The following ZNF578 variants were observed in gnomAD, a reference collection of about 807,000 sequenced individuals.
ZNF578 encodes zinc finger protein 578.
ZNF578 carries 8 observed loss-of-function variants against 8.3 expected under a neutral mutation model. The ratio of observed to expected loss-of-function variants is 0.96; its 90% CI spans 0.56 to 1.74. The LOEUF (loss-of-function observed/expected upper bound fraction) is 1.74, where lower values mean the gene tolerates loss of function less well. Among genes scored for constraint, ZNF578 ranks in the 40% most tolerant of loss-of-function variants. The probability of loss-of-function intolerance (pLI) is 0.00; values close to 1 mark genes in which losing one functional copy is unlikely to be tolerated. For synonymous variants in ZNF578, 206 were observed against 232.2 expected, an observed-to-expected ratio of 0.89 and a Z score of 1.03; for missense variants, 726 against 707.5, an observed-to-expected ratio of 1.03 and a Z score of -0.30.
At chr19:52,472,294 T>C (rs1323123526) in intron 2 of ZNF578, among the ~76,000 whole-genome samples, 1 of 152,244 alleles carries the variant, frequency 6.6e-6, no homozygotes, top group African/African-American at 2.4e-5. Context: ...AGACATAACA[T>C]GATTCATTCA....
At chr19:52,479,539 T>C (rs1246620827) in intron 2 of ZNF578, among the ~76,000 whole-genome samples, 1 of 99,600 alleles carries the variant, frequency 1.0e-5, no homozygotes, top group South Asian at 4.0e-4. Context: ...CGAGACTCCA[T>C]CTCAAAAAAA....
At chr19:52,504,976 C>G (rs2059420492) in intron 5 of ZNF578, among the ~76,000 whole-genome samples, 195 bp downstream of exon 5, 1 of 152,228 alleles carries the variant, frequency 6.6e-6, no homozygotes, top group African/African-American at 2.4e-5. Context: ...TAACCTCCAC[C>G]TTCCGGGTTC....
chr19:52,475,278 C>T, intron 2 of ZNF578: 1 of 215,840 alleles, frequency 4.6e-6, no homozygotes. Flanking sequence ...AATGGAGAAT[C>T]AAAAAAATCA....
chr19:52,483,152 A>G (rs1394267271), intron 2 of ZNF578, among the ~76,000 whole-genome samples: 1 of 152,140 alleles, frequency 6.6e-6, no homozygotes. Context: ...GCGGTGGCTC[A>G]CACTTGTAAT....
intron 5 of ZNF578, among the ~76,000 whole-genome samples, chr19:52,509,851 G>A (rs1448445453): frequency 6.6e-6 from 1 of 151,698 alleles, no homozygotes; most frequent in Non-Finnish European, 1.5e-5. Context: ...ATTGAGAAAA[G>A]TATTGTATTA....
In ZNF578 at chr19:52,511,260, A is replaced by C; in HGVS notation, c.879A>C (p.Gly293=). The change falls in exon 6 of 6, where the codon GGA becomes GGC. Residue 293 remains glycine, a synonymous_variant. Coordinates refer to ENST00000421239, the MANE Select transcript of ZNF578 (RefSeq NM_001099694.2). The part of the protein sequence containing the change: ...SEKPYKCNEC[G]KSFSYKSSLT... Reference sequence around the variant, plus strand: ...AACCTTACAAGTGTAATGAATGTGGAAAGTCCTTCAGTTACAAGTCATCCC... The same window carrying C: ...AACCTTACAAGTGTAATGAATGTGGCAAGTCCTTCAGTTACAAGTCATCCC... The C allele has an allele frequency of 6.2e-7, 1 of 1,614,002 alleles. No individual in the cohort carries two copies. Among genetic ancestry groups the C allele is most frequent in the South Asian group, 1.1e-5 (1 of 91,038 alleles).
rs750478803 is a variant in ZNF578, at chr19:52,510,831, G to A, written c.450G>A (p.Lys150=). 6.2e-7 allele frequency: 1 copy of A among 1,614,062 alleles called. No individual in the cohort carries two copies. The highest frequency in any genetic ancestry group is 8.5e-7 in the Non-Finnish European group (1 of 1,180,030). ...DRHDQRHAGN[K]PIKDQLGLSF... is the part of the protein sequence containing the mutation. ...ATGATCAAAGGCATGCTGGAAACAA[G>A]CCTATTAAAGATCAGCTTGGATTAA... The change falls in exon 6 of 6, where the codon AAG becomes AAA. Residue 150 remains lysine (K), a synonymous_variant. Transcript: ENST00000421239.
intron 2 of ZNF578, chr19:52,457,576 C>G (rs2059243483): frequency 2.0e-5 from 3 of 147,300 alleles, no homozygotes; most frequent in Non-Finnish European, 4.5e-5. Flanking sequence ...TGGAGGCAAT[C>G]TTGGAGACTG....
chr19:52,493,543 G>T (rs1226500819), intron 3 of ZNF578, among the ~76,000 whole-genome samples: 1 of 152,164 alleles, frequency 6.6e-6, no homozygotes, highest in African/African-American at 2.4e-5. Context: ...CAGCAGGGAG[G>T]ACACCGGGGG....
chr19:52,460,187 G>T (rs953799071), intron 2 of ZNF578, among the ~76,000 whole-genome samples: 2 of 151,966 alleles, frequency 1.3e-5, no homozygotes, highest in Admixed American at 1.3e-4. Context: ...GGGATTGCTG[G>T]ATTATATGGT....
At chr19:52,499,862 A>G (rs924503554) in intron 3 of ZNF578, among the ~76,000 whole-genome samples, 2 of 152,018 alleles carry the variant, frequency 1.3e-5, no homozygotes, top group African/African-American at 4.8e-5. Context: ...TTGTGGGAGA[A>G]AAATGTTTGA....
In ZNF578 at chr19:52,510,718, T is replaced by C. The variant is rs762055263; in HGVS notation, c.337T>C (p.Phe113Leu). The C allele has an allele frequency of 1.2e-6, 2 of 1,612,594 alleles. No individual in the cohort carries two copies. The highest frequency in any genetic ancestry group is 1.7e-6 in the Non-Finnish European group (2 of 1,179,646). ...GGAAATTGAAAAAGATATTCATGAC[T>C]TTGAGTTTCAGTCACAAAAAGATGA... ...FQEIEKDIHD[F>L]EFQSQKDERN... Residue 113 changes from phenylalanine (F) to leucine (L), a missense_variant, in exon 6 of 6, where the codon TTT (phenylalanine) becomes CTT (leucine). By Grantham distance (22) the Phe-to-Leu change is conservative. Coordinates refer to ENST00000421239, the MANE Select transcript of ZNF578 (RefSeq NM_001099694.2).
intron 2 of ZNF578, among the ~76,000 whole-genome samples, chr19:52,488,108 C>T (rs2059352107): frequency 6.6e-6 from 1 of 152,060 alleles, no homozygotes; most frequent in African/African-American, 2.4e-5. Flanking sequence ...TGCACCACCC[C>T]ACCCAGCTAA....
In ZNF578 at chr19:52,495,150, A is replaced by G. The variant is rs995970340; in HGVS notation, c.-20+3725A>G. On this transcript the variant is annotated intron_variant, in intron 3 of 5. Coordinates refer to ENST00000421239, the MANE Select transcript of ZNF578 (RefSeq NM_001099694.2). ...GGATGAGCCACCGCGCCCAGCCTAC[A>G]TACTAATTATTATTAGTAGTAGTAG... Among the ~76,000 whole-genome samples, 5 of 144,282 alleles carry G rather than the reference A, an allele frequency of 3.5e-5. 1 individual carries two copies. The highest frequency in any genetic ancestry group is 6.2e-5 in the Non-Finnish European group (4 of 64,248). 94.7% of individuals were successfully genotyped at this position (144,282 alleles called of 152,430 possible).
intron 2 of ZNF578, among the ~76,000 whole-genome samples, chr19:52,459,648 C>CATACAT (rs374598240): frequency 1.5e-5 from 2 of 131,460 alleles, no homozygotes; most frequent in Middle Eastern, 3.8e-3. Flanking sequence ...CACACACACA[C>CATACAT]ACATATATAT....
In ZNF578 at chr19:52,504,799, G is replaced by A. The variant is rs775185721; in HGVS notation, c.190+18G>A. On this transcript the variant is annotated intron_variant, in intron 5 of 5. Transcript: ENST00000421239. ...GGCTGTGGGTGAGGAAAATGTCCCT[G>A]CAGACATGAGGAGTCTGCTCTTGTC... 3.5e-5 allele frequency: 57 copies of A among 1,613,798 alleles called. No homozygotes were observed. The highest frequency in any genetic ancestry group is 4.7e-5 in the Non-Finnish European group (56 of 1,179,948).
Position 52,515,558 on chromosome 19 carries a change from CCTT to C in ZNF578, c.*3407_*3409del, listed in dbSNP as rs1276042153. 6.6e-6 allele frequency among the ~76,000 whole-genome samples: 1 copy of C among 152,146 alleles called. No homozygotes were observed. The highest frequency in any genetic ancestry group is 2.4e-5 in the African/African-American group (1 of 41,440). Reference sequence around the variant, plus strand: ...AGGACCCCATGTAAGACTTTAGACACCTTCTCACTCATCTCAGACCTTCTCAGG... The same window carrying C: ...AGGACCCCATGTAAGACTTTAGACACCTCACTCATCTCAGACCTTCTCAGG... On this transcript the variant is annotated 3_prime_UTR_variant, in exon 6 of 6. Coordinates refer to ENST00000421239, the MANE Select transcript of ZNF578 (RefSeq NM_001099694.2).
At chr19:52,477,296 T>A (rs2059311129) in intron 2 of ZNF578, among the ~76,000 whole-genome samples, 2 of 152,200 alleles carry the variant, frequency 1.3e-5, no homozygotes, top group African/African-American at 4.8e-5. Context: ...AATCAATGTT[T>A]CTTCTGGGAC....
At chr19:52,491,047 A>G (rs542881739) in intron 2 of ZNF578, among the ~76,000 whole-genome samples, 4 of 152,300 alleles carry the variant, frequency 2.6e-5, no homozygotes, top group African/African-American at 9.6e-5. Context: ...TTAGGGTCAC[A>G]GTGGAAAAAC....
Sources: gnomAD v4.1 joint callset for allele counts (sites outside exome capture counted in the v4.1 genomes callset) on GRCh38, gnomAD v4.1.1 for gene constraint, MANE v1.5 for transcripts, NCBI Gene and HGNC (gene_info 2026-07-23, HGNC 2026-07-21) for gene names.